Variants in LYZL2 observed in about 807,000 individuals in gnomAD.
The protein encoded by LYZL2 is lysozyme-like protein 2.
A neutral mutation model predicts 17.1 loss-of-function variants in LYZL2; 13 were observed. That is an observed-to-expected ratio of 0.76 (90% CI 0.49 to 1.21). LYZL2 has a LOEUF of 1.21. LYZL2 is among the 50% of genes most tolerant of loss of function. The pLI is 0.00. For missense variants in LYZL2, 166 were observed against 189.2 expected (o/e 0.88, Z 0.72); for synonymous variants, 63 against 74.4 (o/e 0.85, Z 0.79).
chr10:30,629,495 C>T (rs10826831), intron 1 of LYZL2, 98 bp downstream of exon 1: 90,643 of 1,173,960 alleles, frequency 0.077, 3,371 homozygotes, highest in Admixed American at 0.19. Context: ...AAACCCGTAG[C>T]AATGATAACC....
Position 30,624,745 on chromosome 10 carries a change from G to A in LYZL2, c.298+1360C>T, listed in dbSNP as rs115080616. Among the ~76,000 whole-genome samples the A allele has an allele frequency of 6.1e-3, 936 of 152,238 alleles. 7 individuals are homozygous for A. Among genetic ancestry groups the A allele is most frequent in the African/African-American group, 0.022 (895 of 41,536 alleles). On this transcript the variant is annotated intron_variant, in intron 3 of 4. Transcript: ENST00000647634. ...CTGTAGGGTCTCACTATGGGGTCTC[G>A]CCCAGGCTGGTCTTGAACTCCTGGC...
rs1365489079 is a variant in LYZL2, at chr10:30,624,673, C to T, written c.298+1432G>A. Among the ~76,000 whole-genome samples, 3 of 152,370 alleles carry T rather than the reference C, an allele frequency of 2.0e-5. No individual in the cohort carries two copies. In the East Asian group the frequency reaches 5.8e-4, roughly 29 times the overall value. On this transcript the variant is annotated intron_variant, in intron 3 of 4. Transcript: ENST00000647634. ...AATATACTCTAGGTGGCTAGAACTA[C>T]AGGCATATGCCTGGCTATTTTTAAT...
At chr10:30,616,031 T>C (rs1206672678) in intron 3 of LYZL2, among the ~76,000 whole-genome samples, 18 of 152,212 alleles carry the variant, frequency 1.2e-4, no homozygotes, top group African/African-American at 4.3e-4. Context: ...ACCAGAAAAA[T>C]AACCAAAAAT....
At chr10:30,620,024 C>T (rs898546382) in intron 3 of LYZL2, among the ~76,000 whole-genome samples, 2 of 152,074 alleles carry the variant, frequency 1.3e-5, no homozygotes, top group Non-Finnish European at 1.5e-5. Flanking sequence ...TTGTATTTAT[C>T]GATTGCTTCT....
rs1838699646 is a variant in LYZL2 at position 30,626,168 on chromosome 10, T to C, written c.235A>G (p.Ser79Gly). Reference protein sequence around the residue: ...SIDYGIFQINSFAWCRRGKLK... With the variant: ...SIDYGIFQINGFAWCRRGKLK... ...TTTCCGCGTCTGCACCACGCGAAGC[T>C]GTTGATCTGGAAGATGCCGTAGTCG... The change falls in exon 3 of 5, where the codon AGC (serine) becomes GGC (glycine). Residue 79 changes from serine (S) to glycine (G), a missense_variant. This residue lies in a region of LYZL2 where 134 missense variants were observed against 129.4 expected (regional missense o/e 1.04). Transcript: ENST00000647634. 1 of 1,614,032 alleles carries C rather than the reference T, an allele frequency of 6.2e-7. No individual in the cohort carries two copies. The highest frequency in any genetic ancestry group is 1.3e-5 in the African/African-American group (1 of 74,942).
intron 3 of LYZL2, among the ~76,000 whole-genome samples, chr10:30,616,696 A>G (rs1405568065): frequency 2.6e-5 from 4 of 152,186 alleles, no homozygotes; most frequent in Non-Finnish European, 4.4e-5. Flanking sequence ...AACCATTTCT[A>G]TGGGTACCAT....
chr10:30,628,147 G>A (rs568025266), intron 1 of LYZL2, among the ~76,000 whole-genome samples: 10 of 151,738 alleles, frequency 6.6e-5, no homozygotes, highest in Non-Finnish European at 1.0e-4. Context: ...GCGACAGAGC[G>A]AGACTCCGCC....
In LYZL2 at chr10:30,629,618, C is replaced by A. The variant is rs767983685; in HGVS notation, c.-51G>T. 2 of 1,614,178 alleles carry A rather than the reference C, an allele frequency of 1.2e-6. No individual in the cohort carries two copies. The highest frequency in any genetic ancestry group is 1.7e-6 in the Non-Finnish European group (2 of 1,179,982). ...TGAAAAGGCAGATTCCTGGTGCCTG[C>A]CGCAGAGGCTGACTTCTCAGTTGAG... On this transcript the variant is annotated 5_prime_UTR_variant, in exon 1 of 5. Transcript: ENST00000647634.
rs1435710896 is a variant in LYZL2 at position 30,626,244 on chromosome 10, A to G, written c.159T>C (p.Tyr53=). Residue 53 remains tyrosine, a synonymous_variant, in exon 3 of 5, where the codon TAT becomes TAC. Transcript: ENST00000647634. The stretch of plus-strand genomic sequence containing the variant: ...GGGCTGTGGTGTTGTAGCCGCTCTC[A>G]TAATACGCCATGCAGATCCCTGGAG... The part of the protein sequence containing the change: ...SLGNWICMAY[Y]ESGYNTTAQT... 1.4e-5 allele frequency: 22 copies of G among 1,614,114 alleles called. No individual in the cohort carries two copies. The highest frequency in any genetic ancestry group is 1.7e-5 in the Non-Finnish European group (20 of 1,180,040).
At chr10:30,622,071 T>C (rs1362158925) in intron 3 of LYZL2, among the ~76,000 whole-genome samples, 1 of 152,032 alleles carries the variant, frequency 6.6e-6, no homozygotes, top group Non-Finnish European at 1.5e-5. Flanking sequence ...AATAAGATAA[T>C]GATGCCTATT....
intron 3 of LYZL2, among the ~76,000 whole-genome samples, chr10:30,614,480 G>A (rs1265589059): frequency 1.3e-5 from 2 of 152,208 alleles, no homozygotes; most frequent in African/African-American, 4.8e-5. Flanking sequence ...TCCTGAAGCA[G>A]GTGGCAGGTA....
At chr10:30,628,251 T>C (rs1406937214) in intron 1 of LYZL2, among the ~76,000 whole-genome samples, 1 of 152,214 alleles carries the variant, frequency 6.6e-6, no homozygotes, top group African/African-American at 2.4e-5. Flanking sequence ...CATTTCAAAA[T>C]GTGGGAGCAT....
chr10:30,608,770 G>A (rs1465008063), downstream of LYZL2, among the ~76,000 whole-genome samples: 1 of 152,118 alleles, frequency 6.6e-6, no homozygotes, highest in Non-Finnish European at 1.5e-5. Context: ...CTTAATGCGA[G>A]GTCTGATTTG....
chr10:30,606,605 C>T, the LYZL2 span, among the ~76,000 whole-genome samples: 1 of 152,136 alleles, frequency 6.6e-6, no homozygotes, highest in Non-Finnish European at 1.5e-5. Context: ...CCGTGCATGG[C>T]AAATATTGTT....
chr10:30,617,689 A>T (rs1368984082), intron 3 of LYZL2, among the ~76,000 whole-genome samples: 2 of 148,894 alleles, frequency 1.3e-5, no homozygotes, highest in African/African-American at 2.5e-5. Context: ...AAAAAAAAAA[A>T]AAAAAAAAAG....
chr10:30,615,782 A>G (rs1405328608), intron 3 of LYZL2, among the ~76,000 whole-genome samples: 1 of 152,222 alleles, frequency 6.6e-6, no homozygotes, highest in Non-Finnish European at 1.5e-5. Flanking sequence ...TTCTAGCTAC[A>G]TCTCAGATAC....
intron 3 of LYZL2, among the ~76,000 whole-genome samples, chr10:30,616,964 G>T (rs945016954): frequency 6.6e-6 from 1 of 151,638 alleles, no homozygotes; most frequent in African/African-American, 2.4e-5. Flanking sequence ...TAAGCATTTG[G>T]TACCTGATAT....
Position 30,611,799 on chromosome 10 carries a change from T to C in LYZL2, c.*156A>G, listed in dbSNP as rs952073464. 26 of 1,322,602 alleles carry C rather than the reference T, an allele frequency of 2.0e-5. No individual in the cohort carries two copies. The highest frequency in any genetic ancestry group is 2.5e-5 in the Non-Finnish European group (24 of 960,750). 81.9% of individuals were successfully genotyped at this position (1,322,602 alleles called of 1,614,324 possible). A position where few individuals can be genotyped will look rare whatever the true frequency, so the allele number is the denominator to read the frequency against. On this transcript the variant is annotated 3_prime_UTR_variant, in exon 5 of 5. Coordinates refer to ENST00000647634, the MANE Select transcript of LYZL2 (RefSeq NM_183058.3). ...CCGAGTCAGGGTGAAGACATTTAAA[T>C]GGAAATATTTATTTTCTTAAAAGTA...
chr10:30,612,136 G>A (rs1006179719), intron 4 of LYZL2, 112 bp from the exon 5 acceptor site: 2 of 1,301,250 alleles, frequency 1.5e-6, no homozygotes, highest in Non-Finnish European at 1.1e-6. Context: ...CCTGGGTTGG[G>A]TTTCATTTGC....
Sources: allele counts gnomAD v4.1 joint callset (sites outside exome capture counted in the v4.1 genomes callset), GRCh38; gene constraint gnomAD v4.1.1; regional missense constraint gnomAD v4.1.1; transcripts MANE v1.5; gene names NCBI Gene and HGNC (gene_info 2026-07-23, HGNC 2026-07-21).